The following RYK variants were observed in gnomAD, a reference collection of about 807,000 sequenced individuals.
RYK encodes inactive tyrosine-protein kinase RYK.
A neutral mutation model predicts 70.2 loss-of-function variants in RYK; 21 were observed. That is an observed-to-expected ratio of 0.30 (90% confidence interval 0.21 to 0.43). The LOEUF (loss-of-function observed/expected upper bound fraction) is 0.43. Ranked by LOEUF, RYK falls within the 20% of genes least tolerant of loss-of-function variation. The pLI is 1.00. For missense variants in RYK, 604 were observed against 753.3 expected (o/e 0.80, Z 2.32); for synonymous variants, 267 against 278.0 (o/e 0.96, Z 0.39).
At chr3:134,186,919 G>T (rs79350889) in intron 9 of RYK, among the ~76,000 whole-genome samples, 12,176 of 151,856 alleles carry the variant, frequency 0.08, 1,059 homozygotes, top group South Asian at 0.31. Flanking sequence ...AGTAACAAAA[G>T]GCTGTTGTTT....
intron 9 of RYK, among the ~76,000 whole-genome samples, chr3:134,184,272 C>G (rs2013393046): frequency 6.6e-6 from 1 of 152,022 alleles, no homozygotes; most frequent in Non-Finnish European, 1.5e-5. Flanking sequence ...AACAAATGAA[C>G]TTTTAGGTCA....
At chr3:134,175,575 T>C in intron 13 of RYK, 34 bp downstream of exon 13, 2 of 1,590,738 alleles carry the variant, frequency 1.3e-6, no homozygotes. Context: ...GCTGTTTCTC[T>C]ATTCTTTTGC....
intron 6 of RYK, among the ~76,000 whole-genome samples, chr3:134,202,312 G>C (rs1453829982): frequency 2.0e-5 from 3 of 152,168 alleles, no homozygotes; most frequent in Admixed American, 1.3e-4. Context: ...GTGTAACCAG[G>C]TTGAGAACCA....
chr3:134,230,244 G>A (rs1462676024), intron 1 of RYK, among the ~76,000 whole-genome samples: 5 of 152,028 alleles, frequency 3.3e-5, no homozygotes, highest in African/African-American at 1.2e-4. Flanking sequence ...CTGCCACCAC[G>A]CCCGGCTAAT....
intron 1 of RYK, among the ~76,000 whole-genome samples, chr3:134,247,139 A>G (rs1288760668): frequency 1.3e-5 from 2 of 152,188 alleles, no homozygotes; most frequent in Non-Finnish European, 2.9e-5. Context: ...ATCATAAGTC[A>G]CTATTTAGCA....
intron 5 of RYK, 75 bp downstream of exon 5, chr3:134,207,397 C>A: frequency 1.1e-6 from 1 of 903,386 alleles, no homozygotes; most frequent in Non-Finnish European, 1.6e-6. Flanking sequence ...CTCCAAGCTT[C>A]ATGCAATCAT....
rs747772141 is a variant in RYK, at chr3:134,188,858, C to T, written c.1081G>A (p.Ala361Thr). 6.4e-7 allele frequency: 1 copy of T among 1,573,926 alleles called. No individual in the cohort carries two copies. Among genetic ancestry groups the T allele is most frequent in the East Asian group, 2.2e-5 (1 of 44,514 alleles). The part of the protein sequence containing the change: ...DEKDPNKEKQ[A>T]FVKTVKDQAS... ...CTACCTTTAACTGTTTTGACAAATG[C>T]TTGTTTTTCTTTATTTGGATCTTTT... Residue 361 changes from alanine (A) to threonine (T), a missense_variant, in exon 9 of 15, where the codon GCA becomes ACA. Ala to Thr is a moderately conservative substitution (Grantham distance 58, BLOSUM62 0). This residue lies in a region of RYK where 466 missense variants were observed against 535.9 expected (regional missense o/e 0.87). Transcript: ENST00000623711.
intron 2 of RYK, among the ~76,000 whole-genome samples, chr3:134,221,730 TAAAATCCTATTC>T: frequency 6.6e-6 from 1 of 152,252 alleles, no homozygotes; most frequent in Non-Finnish European, 1.5e-5. Context: ...ATTTCCTGAA[TAAAATCCTATTC>T]AAAAGCCTAT....
chr3:134,224,533 C>T lies in RYK; in HGVS notation c.233-1994G>A, dbSNP rs908957280. 4.6e-5 allele frequency among the ~76,000 whole-genome samples: 7 copies of T among 152,152 alleles called. No individual in the cohort carries two copies. The South Asian group carries it at 6.2e-4, about 14-fold the overall frequency. On this transcript the variant is annotated intron_variant, in intron 1 of 14. Coordinates refer to ENST00000623711, the MANE Select transcript of RYK (RefSeq NM_002958.4). Reference sequence around the variant, plus strand: ...AGACGTTTAGGCCTCCAGATGGCTGCGGGCGGGCCTGACTCATGTCAGGCC... The same window carrying T: ...AGACGTTTAGGCCTCCAGATGGCTGTGGGCGGGCCTGACTCATGTCAGGCC...
intron 1 of RYK, among the ~76,000 whole-genome samples, chr3:134,245,583 C>T (rs1294823782): frequency 6.6e-6 from 1 of 151,956 alleles, no homozygotes; most frequent in Non-Finnish European, 1.5e-5. Context: ...GGGGAGCCAC[C>T]GAAAGAGGTG....
intron 5 of RYK, among the ~76,000 whole-genome samples, chr3:134,203,263 G>A (rs1300543520): frequency 6.6e-6 from 1 of 152,180 alleles, no homozygotes; most frequent in Admixed American, 6.5e-5. Context: ...CATGAGAATC[G>A]CTTGCACCTG....
At chr3:134,214,938 C>T (rs2014508014) in intron 2 of RYK, among the ~76,000 whole-genome samples, 1 of 152,210 alleles carries the variant, frequency 6.6e-6, no homozygotes, top group Admixed American at 6.5e-5. Flanking sequence ...CACTAGGGTT[C>T]TAGCCCATTT....
intron 11 of RYK, 65 bp from the exon 12 acceptor site, chr3:134,176,104 T>C (rs2013091499): frequency 4.2e-6 from 4 of 958,988 alleles, no homozygotes; most frequent in Non-Finnish European, 4.9e-6. Context: ...TTTCTTACTT[T>C]TTTTATTCCA....
chr3:134,214,199 T>C (rs528891091), intron 2 of RYK, among the ~76,000 whole-genome samples: 14 of 152,312 alleles, frequency 9.2e-5, no homozygotes, highest in Admixed American at 6.5e-4. Context: ...TCTCCTGCCA[T>C]GTTCTCCCTG....
chr3:134,222,678 C>CT, intron 1 of RYK, 139 bp from the exon 2 acceptor site: 1 of 674,080 alleles, frequency 1.5e-6, no homozygotes, highest in South Asian at 2.0e-5. Context: ...CATGGGCTGC[C>CT]TTATGAAGCA....
chr3:134,187,838 T>C (rs2013517474), intron 9 of RYK, among the ~76,000 whole-genome samples: 1 of 151,544 alleles, frequency 6.6e-6, no homozygotes. Context: ...GGGATTACAA[T>C]TGTGAGCCAC....
chr3:134,199,613 A>C (rs1242150526), intron 6 of RYK, among the ~76,000 whole-genome samples: 1 of 152,226 alleles, frequency 6.6e-6, no homozygotes, highest in Non-Finnish European at 1.5e-5. Context: ...TGGTAATCCC[A>C]GTGGCCCCTA....
rs556245785 is a variant in RYK, at chr3:134,241,294, G to T, written c.232+9129C>A. Among the ~76,000 whole-genome samples, 30 of 151,372 alleles carry T rather than the reference G, an allele frequency of 2.0e-4. No homozygotes were observed. In the South Asian group the frequency reaches 6.0e-3, roughly 31 times the overall value. ...GAAGCTGGGAGACAGAGACTGCAGTGAGCTGAGATTGCACCACTGTACTCC... is the reference window on the plus strand; with the variant it reads ...GAAGCTGGGAGACAGAGACTGCAGTTAGCTGAGATTGCACCACTGTACTCC... On this transcript the variant is annotated intron_variant, in intron 1 of 14. Coordinates refer to ENST00000623711, the MANE Select transcript of RYK (RefSeq NM_002958.4).
At chr3:134,249,170 T>C (rs2015544062) in intron 1 of RYK, among the ~76,000 whole-genome samples, 2 of 152,188 alleles carry the variant, frequency 1.3e-5, no homozygotes, top group Non-Finnish European at 2.9e-5. Flanking sequence ...CTACCCCAAG[T>C]AGAGTTTTAA....
Sources: gnomAD v4.1 joint callset for allele counts (sites outside exome capture counted in the v4.1 genomes callset) on GRCh38, gnomAD v4.1.1 for gene constraint, gnomAD v4.1.1 regional missense constraint, MANE v1.5 for transcripts, NCBI Gene and HGNC (gene_info 2026-07-23, HGNC 2026-07-21) for gene names.